The following ME1 variants were observed in gnomAD, a reference collection of about 807,000 sequenced individuals.
The protein encoded by ME1 is NADP-dependent malic enzyme.
ME1 carries 74 observed loss-of-function variants against 66.4 expected under a neutral mutation model. The observed-to-expected ratio is 1.11, with a 90% confidence interval of 0.92 to 1.35. The LOEUF (loss-of-function observed/expected upper bound fraction) is 1.35, where lower values mean the gene tolerates loss of function less well. Among genes scored for constraint, ME1 ranks in the 40% most tolerant of loss-of-function variants. ME1 has a pLI of 0.00. For synonymous variants in ME1, 251 were observed against 235.6 expected, an observed-to-expected ratio of 1.07 and a Z score of -0.60; for missense variants, 750 against 694.1, an observed-to-expected ratio of 1.08 and a Z score of -0.90.
chr6:83,294,827 T>G (rs1767568481), intron 6 of ME1, among the ~76,000 whole-genome samples: 1 of 152,102 alleles, frequency 6.6e-6, no homozygotes, highest in Admixed American at 6.5e-5. Context: ...ACTGATAGAT[T>G]GCAGCGCCAC....
intron 7 of ME1, among the ~76,000 whole-genome samples, chr6:83,252,255 CTGTTGT>C (rs1007272945): frequency 1.3e-5 from 2 of 151,506 alleles, no homozygotes; most frequent in African/African-American, 2.4e-5. Flanking sequence ...AGCAGGAGTT[CTGTTGT>C]TGTTGTTGTT....
intron 12 of ME1, among the ~76,000 whole-genome samples, chr6:83,222,903 T>C (rs1316585008): frequency 6.6e-6 from 1 of 152,196 alleles, no homozygotes; most frequent in African/African-American, 2.4e-5. Flanking sequence ...TGAGAATCTT[T>C]CCTCAAGGCC....
chr6:83,212,825 T>G (rs1789919673), intron 13 of ME1, among the ~76,000 whole-genome samples: 1 of 152,172 alleles, frequency 6.6e-6, no homozygotes, highest in Admixed American at 6.5e-5. Context: ...AGCTTCCATT[T>G]GACTCTCATC....
intron 6 of ME1, among the ~76,000 whole-genome samples, chr6:83,281,320 G>C (rs1056136569): frequency 6.6e-6 from 1 of 152,078 alleles, no homozygotes; most frequent in Non-Finnish European, 1.5e-5. Context: ...CATGTGGCTT[G>C]GCACTTAAAA....
rs377364520 is a variant in ME1 at position 83,212,019 on chromosome 6, A to G, written c.1624T>C (p.Ser542Pro). 6.2e-6 allele frequency: 10 copies of G among 1,613,110 alleles called. No individual in the cohort carries two copies. In the African/African-American group the frequency reaches 1.3e-4, roughly 22 times the overall value. ...EPQNKEAFVR[S>P]QMYSTDYDQI... Reference sequence around the variant, plus strand: ...TCATAATCAGTACTATACATCTGGGAGCGGACAAATGCTTCTTTGTTTTGC... The same window carrying G: ...TCATAATCAGTACTATACATCTGGGGGCGGACAAATGCTTCTTTGTTTTGC... Residue 542 changes from serine (S) to proline (P), a missense_variant, in exon 14 of 14, where the codon TCC (serine) becomes CCC (proline). Physicochemically the swap from Ser to Pro is moderately conservative, Grantham distance 74. Transcript: ENST00000369705.
At chr6:83,366,264 A>T (rs1045962194) in intron 3 of ME1, among the ~76,000 whole-genome samples, 1 of 152,086 alleles carries the variant, frequency 6.6e-6, no homozygotes, top group Non-Finnish European at 1.5e-5. Flanking sequence ...GCTAGCTCCT[A>T]ATTGCTTACC....
intron 4 of ME1, among the ~76,000 whole-genome samples, chr6:83,350,267 C>T (rs997330921): frequency 5.3e-5 from 8 of 152,080 alleles, no homozygotes; most frequent in Non-Finnish European, 1.2e-4. Context: ...GGGATAAGAA[C>T]ATCAGTAAGG....
chr6:83,302,513 A>G (rs1052301309), intron 6 of ME1, among the ~76,000 whole-genome samples: 8 of 152,176 alleles, frequency 5.3e-5, no homozygotes, highest in African/African-American at 1.7e-4. Flanking sequence ...GGAAGAGAGA[A>G]AAGAATGAGG....
chr6:83,359,950 G>A (rs190540673), intron 3 of ME1, among the ~76,000 whole-genome samples: 16 of 152,214 alleles, frequency 1.1e-4, no homozygotes, highest in African/African-American at 3.4e-4. Flanking sequence ...TGGAGCTACC[G>A]TAATAGAGAG....
Position 83,310,402 on chromosome 6 carries a change from T to C in ME1, c.704+4908A>G, listed in dbSNP as rs545483412. Among the ~76,000 whole-genome samples, 3 of 152,302 alleles carry C rather than the reference T, an allele frequency of 2.0e-5. No individual in the cohort carries two copies. The East Asian group carries it at 5.8e-4, about 29-fold the overall frequency. On this transcript the variant is annotated intron_variant, in intron 6 of 13. Transcript: ENST00000369705. ...TCCTTCTGCCCATTCCTGCTTCCTT[T>C]GTTATTTCTTCCACAGAGTTTAATC...
intron 5 of ME1, among the ~76,000 whole-genome samples, chr6:83,325,035 C>T (rs1013537084): frequency 6.6e-6 from 1 of 152,170 alleles, no homozygotes; most frequent in African/African-American, 2.4e-5. Context: ...TGGGCTTCAT[C>T]CCTGGGATGC....
At chr6:83,213,802 T>C (rs1354936096) in intron 13 of ME1, among the ~76,000 whole-genome samples, 3 of 152,216 alleles carry the variant, frequency 2.0e-5, no homozygotes, top group Non-Finnish European at 4.4e-5. Flanking sequence ...TTATGAATAC[T>C]GTGCTGTATT....
chr6:83,284,365 A>C (rs1334282777), intron 6 of ME1, among the ~76,000 whole-genome samples: 1 of 152,124 alleles, frequency 6.6e-6, no homozygotes, highest in Non-Finnish European at 1.5e-5. Context: ...AAAATCAAGG[A>C]GGAGGGACTC....
intron 2 of ME1, among the ~76,000 whole-genome samples, chr6:83,403,610 C>T (rs1167580523): frequency 6.6e-6 from 1 of 151,842 alleles, no homozygotes; most frequent in Non-Finnish European, 1.5e-5. Flanking sequence ...GGTTTTAAGC[C>T]CTGCATGCAT....
At chr6:83,418,323 T>C (rs1375778009) in intron 1 of ME1, among the ~76,000 whole-genome samples, 1 of 152,144 alleles carries the variant, frequency 6.6e-6, no homozygotes, top group Non-Finnish European at 1.5e-5. Flanking sequence ...CCAATGGTAA[T>C]GGTGTAGATC....
chr6:83,369,998 T>C (rs969173268), intron 3 of ME1, among the ~76,000 whole-genome samples: 2 of 152,020 alleles, frequency 1.3e-5, no homozygotes, highest in East Asian at 1.9e-4. Context: ...GGAGAAGATA[T>C]GAAGAGAAAA....
intron 4 of ME1, among the ~76,000 whole-genome samples, chr6:83,350,736 C>T (rs1257494384): frequency 6.6e-6 from 1 of 152,120 alleles, no homozygotes; most frequent in Non-Finnish European, 1.5e-5. Flanking sequence ...CTCCCACCCA[C>T]CTCGGCCTCC....
intron 3 of ME1, among the ~76,000 whole-genome samples, chr6:83,364,004 T>C (rs568940180): frequency 1.3e-5 from 2 of 152,290 alleles, no homozygotes; most frequent in African/African-American, 4.8e-5. Context: ...AGGGGTGGAC[T>C]TGTGATGATT....
At chr6:83,238,996 G>T in intron 8 of ME1, among the ~76,000 whole-genome samples, 1 of 151,608 alleles carries the variant, frequency 6.6e-6, no homozygotes. Flanking sequence ...TAATAACAAA[G>T]CATAATTTGG....
Sources: gnomAD v4.1 joint callset for allele counts (sites outside exome capture counted in the v4.1 genomes callset) on GRCh38, gnomAD v4.1.1 for gene constraint, MANE v1.5 for transcripts, NCBI Gene and HGNC (gene_info 2026-07-23, HGNC 2026-07-21) for gene names.